Variants in C12orf42 observed in about 807,000 individuals in gnomAD.
C12orf42 encodes the protein uncharacterized protein C12orf42.
In C12orf42, 25 loss-of-function variants were observed where a neutral mutation model predicts 21.6. The ratio of observed to expected loss-of-function variants is 1.16; its 90% confidence interval spans 0.84 to 1.62. The LOEUF (loss-of-function observed/expected upper bound fraction) is 1.62. Among genes scored for constraint, C12orf42 ranks in the 40% most tolerant of loss-of-function variants. The pLI is 0.00. For synonymous variants in C12orf42, 174 were observed against 175.0 expected, an observed-to-expected ratio of 0.99 and a Z score of 0.05; for missense variants, 483 against 459.3, an observed-to-expected ratio of 1.05 and a Z score of -0.47.
chr12:103,336,547 T>A (rs1331702016), intron 4 of C12orf42, among the ~76,000 whole-genome samples: 1 of 152,244 alleles, frequency 6.6e-6, no homozygotes, highest in East Asian at 1.9e-4. Context: ...TAAGTTGGCC[T>A]GACACATAGT....
At chr12:103,480,449 T>TG (rs1436734293) in intron 1 of C12orf42, among the ~76,000 whole-genome samples, 8 of 151,564 alleles carry the variant, frequency 5.3e-5, no homozygotes, top group South Asian at 2.1e-4. Flanking sequence ...TTTTTCTCTG[T>TG]GGGGGGTGTT....
intron 4 of C12orf42, among the ~76,000 whole-genome samples, chr12:103,325,373 T>G (rs2040577970): frequency 6.6e-6 from 1 of 152,230 alleles, no homozygotes. Context: ...GTCACAGTTA[T>G]CTCTACCAAT....
At chr12:103,524,364 C>T in the C12orf42 span, among the ~76,000 whole-genome samples, 146 of 152,268 alleles carry the variant, frequency 9.6e-4, 1 homozygote, top group African/African-American at 3.1e-3. Flanking sequence ...TTTCCAGCCA[C>T]GCTGCCTTGA....
chr12:103,366,079 GT>G (rs1291760026), intron 4 of C12orf42, among the ~76,000 whole-genome samples: 1 of 152,094 alleles, frequency 6.6e-6, no homozygotes, highest in Non-Finnish European at 1.5e-5. Flanking sequence ...TAAGGCCATA[GT>G]CACCAAAACA....
At chr12:103,359,682 C>T (rs540119828) in intron 4 of C12orf42, among the ~76,000 whole-genome samples, 1 of 152,014 alleles carries the variant, frequency 6.6e-6, no homozygotes, top group Admixed American at 6.6e-5. Context: ...ACAATTCATC[C>T]ACCTCTTTTT....
the C12orf42 span, among the ~76,000 whole-genome samples, chr12:103,141,445 C>T: frequency 2.0e-5 from 3 of 151,414 alleles, no homozygotes; most frequent in Middle Eastern, 6.9e-3. Context: ...TTTAAGAAGC[C>T]GAATGATATA....
At chr12:103,380,887 G>T (rs1222999548) in intron 3 of C12orf42, among the ~76,000 whole-genome samples, 2 of 152,152 alleles carry the variant, frequency 1.3e-5, no homozygotes, top group Non-Finnish European at 2.9e-5. Context: ...ATGAGTGACA[G>T]AGTGGTTAAA....
At chr12:103,236,169 G>A (rs1274576168), downstream of C12orf42, among the ~76,000 whole-genome samples, 4 of 152,034 alleles carry the variant, frequency 2.6e-5, no homozygotes, top group Non-Finnish European at 2.9e-5. Context: ...TCTACAAAGT[G>A]CATTGTGAAC....
chr12:103,298,696 T>C (rs2037461704), downstream of C12orf42, among the ~76,000 whole-genome samples: 3 of 152,158 alleles, frequency 2.0e-5, no homozygotes, highest in African/African-American at 7.2e-5. Context: ...CACCCTTGGC[T>C]CTTGAGATCT....
At chr12:103,326,698 C>T (rs1020599084) in intron 4 of C12orf42, among the ~76,000 whole-genome samples, 4 of 152,202 alleles carry the variant, frequency 2.6e-5, no homozygotes, top group African/African-American at 9.7e-5. Context: ...ATCTTCTTGT[C>T]TCCTTCAAGC....
the C12orf42 span, among the ~76,000 whole-genome samples, chr12:103,538,948 C>A: frequency 6.6e-6 from 1 of 152,066 alleles, no homozygotes; most frequent in Admixed American, 6.5e-5. Context: ...AAGGGGTGGG[C>A]CTTAAAGAGG....
intron 2 of C12orf42, chr12:103,476,907 T>TC (rs1332003769): frequency 6.6e-6 from 1 of 152,200 alleles, no homozygotes. Context: ...CATATAGCAC[T>TC]CTTAGTGAAA....
the C12orf42 span, among the ~76,000 whole-genome samples, chr12:103,181,740 C>G: frequency 5.9e-5 from 9 of 152,326 alleles, no homozygotes; most frequent in Non-Finnish European, 1.2e-4. Context: ...TACACCATAT[C>G]CATCAAAAAC....
chr12:103,330,223 A>C (rs554880187), intron 4 of C12orf42, among the ~76,000 whole-genome samples: 1 of 152,358 alleles, frequency 6.6e-6, no homozygotes, highest in African/African-American at 2.4e-5. Flanking sequence ...TAATCTATTT[A>C]AAAGAATTTA....
the C12orf42 span, among the ~76,000 whole-genome samples, chr12:103,199,268 T>A: frequency 3.9e-5 from 6 of 152,174 alleles, no homozygotes; most frequent in African/African-American, 1.4e-4. Context: ...TTCAAAGGAA[T>A]GAAATTGAAC....
downstream of C12orf42, among the ~76,000 whole-genome samples, chr12:103,233,110 T>G (rs910449154): frequency 6.6e-6 from 1 of 152,226 alleles, no homozygotes; most frequent in Admixed American, 6.5e-5. Context: ...TGCCCTTGCC[T>G]CTTCATCAAA....
At chr12:103,235,887 T>C (rs1200309971), downstream of C12orf42, among the ~76,000 whole-genome samples, 1 of 152,148 alleles carries the variant, frequency 6.6e-6, no homozygotes, top group Non-Finnish European at 1.5e-5. Context: ...GCACTAACTA[T>C]GGAATAACTT....
chr12:103,335,591 C>T (rs1327846747), intron 4 of C12orf42, among the ~76,000 whole-genome samples: 1 of 152,154 alleles, frequency 6.6e-6, no homozygotes, highest in East Asian at 1.9e-4. Flanking sequence ...GCTTTTTGAC[C>T]TTGGCCTTCA....
the C12orf42 span, among the ~76,000 whole-genome samples, chr12:103,054,228 T>C: frequency 7.9e-5 from 12 of 151,856 alleles, no homozygotes; most frequent in Non-Finnish European, 1.5e-4. Context: ...TCATGGTATA[T>C]AGTTTATTTA....
Sources: gnomAD v4.1 joint callset for allele counts (sites outside exome capture counted in the v4.1 genomes callset) on GRCh38, gnomAD v4.1.1 for gene constraint, MANE v1.5 for transcripts, NCBI Gene and HGNC (gene_info 2026-07-23, HGNC 2026-07-21) for gene names.